RGS6: variants seen among roughly 807,000 people sequenced by gnomAD.
RGS6 encodes regulator of G protein signaling 6.
Under a neutral mutation model 78.5 loss-of-function variants are expected in RGS6, and 30 were observed. That is an observed-to-expected ratio of 0.38 (90% CI 0.29 to 0.52). The LOEUF is 0.52. Among genes scored for constraint, RGS6 ranks in the 20% least tolerant of loss-of-function variants. The pLI is 0.85. For missense variants in RGS6, 495 were observed against 609.7 expected (o/e 0.81, Z 1.98); for synonymous variants, 206 against 206.0 (o/e 1.00, Z 0.00).
intron 2 of RGS6, among the ~76,000 whole-genome samples, chr14:72,106,956 G>A (rs1015736610): frequency 1.3e-4 from 19 of 151,944 alleles, no homozygotes; most frequent in Non-Finnish European, 1.9e-4. Flanking sequence ...TTCATCAGGA[G>A]GCGCAGGAAG....
At chr14:71,962,545 TTAAAAA>T (rs1344289651) in intron 1 of RGS6, among the ~76,000 whole-genome samples, 1 of 152,098 alleles carries the variant, frequency 6.6e-6, no homozygotes, top group Non-Finnish European at 1.5e-5. Flanking sequence ...AAGTAGTTGT[TTAAAAA>T]TAAAACTGTG....
At chr14:72,377,582 AT>A (rs1224166104) in intron 3 of RGS6, among the ~76,000 whole-genome samples, 1 of 152,212 alleles carries the variant, frequency 6.6e-6, no homozygotes, top group Non-Finnish European at 1.5e-5. Context: ...ATTTCACCCA[AT>A]AGCTGCAGAA....
intron 2 of RGS6, among the ~76,000 whole-genome samples, chr14:72,280,756 A>C (rs1162867106): frequency 1.3e-5 from 2 of 152,214 alleles, no homozygotes; most frequent in African/African-American, 4.8e-5. Context: ...CCTTTTTCAC[A>C]TGCTGAAACA....
chr14:72,046,017 C>T (rs1254641735), intron 2 of RGS6, among the ~76,000 whole-genome samples: 4 of 152,032 alleles, frequency 2.6e-5, no homozygotes, highest in Admixed American at 1.3e-4. Context: ...AAAGTTTGGT[C>T]GTAGTGAAGT....
At chr14:72,629,099 T>C in the RGS6 span, among the ~76,000 whole-genome samples, 21 of 152,324 alleles carry the variant, frequency 1.4e-4, no homozygotes, top group Admixed American at 3.9e-4. Context: ...TAAGGAATTA[T>C]TGATTTTTTA....
At chr14:72,350,363 G>C (rs2078883854) in intron 2 of RGS6, among the ~76,000 whole-genome samples, 1 of 152,122 alleles carries the variant, frequency 6.6e-6, no homozygotes, top group Admixed American at 6.5e-5. Context: ...CTGGGTAGCT[G>C]TGTGACCCTG....
At chr14:72,268,585 T>C (rs943806627) in intron 2 of RGS6, among the ~76,000 whole-genome samples, 3 of 152,202 alleles carry the variant, frequency 2.0e-5, no homozygotes, top group African/African-American at 7.2e-5. Context: ...CATGTGACTT[T>C]TCAGTCATTT....
chr14:72,549,938 C>T (rs992527411), intron 17 of RGS6, among the ~76,000 whole-genome samples: 4 of 152,252 alleles, frequency 2.6e-5, no homozygotes, highest in Middle Eastern at 6.8e-3. Flanking sequence ...TCCTCTAGGG[C>T]CCTGCCAGGG....
chr14:71,949,079 A>C (rs940974076), intron 1 of RGS6, among the ~76,000 whole-genome samples: 1 of 150,558 alleles, frequency 6.6e-6, no homozygotes, highest in African/African-American at 2.4e-5. Context: ...GTTGAGGGAC[A>C]TTTGGGATAT....
Position 72,011,582 on chromosome 14 carries a change from TAAA to T in RGS6, c.84+46717_84+46719del, listed in dbSNP as rs57661696. Among the ~76,000 whole-genome samples, 55 of 150,984 alleles carry T rather than the reference TAAA, an allele frequency of 3.6e-4. 1 individual carries two copies. The East Asian group carries it at 3.9e-3, about 11-fold the overall frequency. On this transcript the variant is annotated intron_variant, in intron 2 of 17. Transcript: ENST00000553525. ...TCAAAAAATGTGTAGCTCAAAAATA[TAAA>T]AAAAAAAAATAATGCAAATAAAACC...
At chr14:72,236,641 G>A (rs1263799004) in intron 2 of RGS6, among the ~76,000 whole-genome samples, 2 of 152,214 alleles carry the variant, frequency 1.3e-5, no homozygotes, top group African/African-American at 4.8e-5. Flanking sequence ...TTGCACAGCG[G>A]CCGGGCAGAG....
rs184094853 is a variant in RGS6, at chr14:72,499,692, A to G, written c.965+4430A>G. 2.2e-3 allele frequency among the ~76,000 whole-genome samples: 332 copies of G among 150,756 alleles called. 3 individuals are homozygous for G. Among genetic ancestry groups the G allele is most frequent in the Non-Finnish European group, 3.4e-4 (23 of 67,724 alleles). On this transcript the variant is annotated intron_variant, in intron 13 of 17. Coordinates refer to ENST00000553525, the MANE Select transcript of RGS6 (RefSeq NM_001204424.2). ...TTTGTTTGTTGTTTTTTTTTTACTT[A>G]ACTGAGCTCTGGGCTTTTGCCTGTT...
intron 2 of RGS6, among the ~76,000 whole-genome samples, chr14:72,207,842 C>T (rs1402057): frequency 3.0e-4 from 46 of 152,242 alleles, no homozygotes; most frequent in Middle Eastern, 3.4e-3. Flanking sequence ...AAGCTGTCCA[C>T]GCTTCAGGCT....
At chr14:72,106,137 C>T (rs2095627699) in intron 2 of RGS6, among the ~76,000 whole-genome samples, 2 of 152,126 alleles carry the variant, frequency 1.3e-5, no homozygotes, top group Admixed American at 1.3e-4. Flanking sequence ...CATAATAAGG[C>T]AATATTCTCA....
intron 2 of RGS6, among the ~76,000 whole-genome samples, chr14:71,974,880 G>A (rs778323250): frequency 2.6e-5 from 4 of 152,182 alleles, no homozygotes; most frequent in Admixed American, 6.5e-5. Context: ...GTTGGCTTAC[G>A]CCTGTAATCC....
chr14:72,503,908 C>G (rs1163147480), intron 13 of RGS6, among the ~76,000 whole-genome samples: 2 of 152,228 alleles, frequency 1.3e-5, no homozygotes, highest in South Asian at 4.1e-4. Context: ...TCCTCACCTG[C>G]AGCTCTTCTG....
chr14:72,014,385 C>A (rs2153232826), intron 2 of RGS6, among the ~76,000 whole-genome samples: 2 of 152,272 alleles, frequency 1.3e-5, no homozygotes, highest in East Asian at 3.9e-4. Flanking sequence ...TTCCGGAATC[C>A]TTTAAAAATT....
At chr14:72,374,588 C>G (rs1297243279) in intron 3 of RGS6, among the ~76,000 whole-genome samples, 2 of 152,160 alleles carry the variant, frequency 1.3e-5, no homozygotes, top group Non-Finnish European at 2.9e-5. Context: ...CACATCTCCT[C>G]TCTGGAGAAG....
intron 2 of RGS6, among the ~76,000 whole-genome samples, chr14:72,080,636 A>T (rs577540563): frequency 1.3e-5 from 2 of 152,026 alleles, no homozygotes; most frequent in African/African-American, 4.8e-5. Flanking sequence ...TTCTTCTAGT[A>T]ATTTTACAGT....
Sources: gnomAD v4.1 joint callset for allele counts (sites outside exome capture counted in the v4.1 genomes callset) on GRCh38, gnomAD v4.1.1 for gene constraint, MANE v1.5 for transcripts, NCBI Gene and HGNC (gene_info 2026-07-23, HGNC 2026-07-21) for gene names.